Variants in EPB41L4A observed in about 807,000 individuals in gnomAD.
EPB41L4A encodes the protein erythrocyte membrane protein band 4.1 like 4A.
EPB41L4A carries 100 observed loss-of-function variants against 108.6 expected under a neutral mutation model. The ratio of observed to expected loss-of-function variants is 0.92; its 90% CI spans 0.78 to 1.09. The LOEUF is 1.09. Ranked by LOEUF, EPB41L4A falls within the 50% of genes least tolerant of loss-of-function variation. The probability of loss-of-function intolerance (pLI) is 0.00; values close to 1 mark genes in which losing one functional copy is unlikely to be tolerated. For synonymous variants in EPB41L4A, 319 were observed against 289.0 expected (o/e 1.10, Z -1.05); for missense variants, 1,030 against 842.7 (o/e 1.22, Z -2.75).
chr5:112,419,079 A>C lies in EPB41L4A; in HGVS notation c.-40T>G. On this transcript the variant is annotated 5_prime_UTR_variant, in exon 1 of 23. Transcript: ENST00000261486. ...TCTCCAGCCAGGAGAGAAAGCTACCACCGAGGCGCCCAGCCGCCCCCTCCA... is the reference window on the plus strand; with the variant it reads ...TCTCCAGCCAGGAGAGAAAGCTACCCCCGAGGCGCCCAGCCGCCCCCTCCA... The C allele has an allele frequency of 6.6e-7, 1 of 1,506,776 alleles. No individual in the cohort carries two copies. Among genetic ancestry groups the C allele is most frequent in the Non-Finnish European group, 9.2e-7 (1 of 1,084,960 alleles). The allele number at this position is 1,506,776 out of a possible 1,614,324, so 93.3% of individuals were successfully genotyped here.
In EPB41L4A at chr5:112,314,208, A is replaced by T. The variant is rs966318852; in HGVS notation, c.100-6718T>A. Among the ~76,000 whole-genome samples the T allele has an allele frequency of 2.0e-5, 3 of 152,042 alleles. No individual in the cohort carries two copies. In the East Asian group the frequency reaches 5.8e-4, roughly 30 times the overall value. On this transcript the variant is annotated intron_variant, in intron 1 of 22. Coordinates refer to ENST00000261486, the MANE Select transcript of EPB41L4A (RefSeq NM_022140.5). ...ATTCCTGAGCCTTTTGAACAGGTAGACCAAACTATTACGGGCCATTATATA... is the reference window on the plus strand; with the variant it reads ...ATTCCTGAGCCTTTTGAACAGGTAGTCCAAACTATTACGGGCCATTATATA...
rs1425166524 is a variant in EPB41L4A, at chr5:112,198,582, CTA to C, written c.1377-2876_1377-2875del. Among the ~76,000 whole-genome samples the C allele has an allele frequency of 4.6e-5, 7 of 152,180 alleles. 1 individual carries two copies. The highest frequency in any genetic ancestry group is 1.7e-4 in the African/African-American group (7 of 41,522). On this transcript the variant is annotated intron_variant, in intron 15 of 22. Transcript: ENST00000261486. Reference sequence around the variant, plus strand: ...GCTGTTTCTTTAATAGTTTCCTCTCCTATGTTTTCTCTGTTCTTTTTTCTTAG... The same window carrying C: ...GCTGTTTCTTTAATAGTTTCCTCTCCTGTTTTCTCTGTTCTTTTTTCTTAG...
At chr5:112,234,514 TA>T (rs1749189229) in intron 12 of EPB41L4A, 119 bp downstream of exon 12, 6 of 929,694 alleles carry the variant, frequency 6.5e-6, no homozygotes, top group Non-Finnish European at 8.9e-6. Context: ...TAGAAAATTT[TA>T]ATATTGGAAA....
intron 9 of EPB41L4A, among the ~76,000 whole-genome samples, chr5:112,255,219 T>C (rs4130532): frequency 0.14 from 18,867 of 139,140 alleles, 1,325 homozygotes; most frequent in Non-Finnish European, 0.16. Context: ...TTATTTCCCT[T>C]GTGCCAAAAC....
chr5:112,371,786 A>G (rs180933178), intron 1 of EPB41L4A, among the ~76,000 whole-genome samples: 1 of 152,292 alleles, frequency 6.6e-6, no homozygotes, highest in Non-Finnish European at 1.5e-5. Context: ...ACCTCTTTCT[A>G]AATTCTGGAA....
intron 9 of EPB41L4A, among the ~76,000 whole-genome samples, chr5:112,249,944 A>G (rs1311048273): frequency 1.3e-5 from 2 of 152,172 alleles, no homozygotes; most frequent in African/African-American, 4.8e-5. Context: ...CTTTCAGGGA[A>G]GTGTATGGTA....
chr5:112,237,232 G>A (rs1288091427), intron 11 of EPB41L4A, among the ~76,000 whole-genome samples: 1 of 152,088 alleles, frequency 6.6e-6, no homozygotes, highest in Non-Finnish European at 1.5e-5. Context: ...TAAAACAACA[G>A]TAACAACAAC....
At chr5:112,247,597 T>TAA (rs1436064139) in intron 9 of EPB41L4A, among the ~76,000 whole-genome samples, 1 of 152,180 alleles carries the variant, frequency 6.6e-6, no homozygotes, top group Non-Finnish European at 1.5e-5. Flanking sequence ...AGTACTTAAA[T>TAA]AAAAATATCA....
At chr5:112,185,099 T>A (rs1193952633) in intron 17 of EPB41L4A, among the ~76,000 whole-genome samples, 6 of 152,200 alleles carry the variant, frequency 3.9e-5, no homozygotes, top group Non-Finnish European at 8.8e-5. Context: ...AGCCTTTTTT[T>A]TTTTTTTTGG....
intron 1 of EPB41L4A, among the ~76,000 whole-genome samples, chr5:112,351,794 T>C (rs1047927354): frequency 6.6e-6 from 1 of 152,118 alleles, no homozygotes; most frequent in African/African-American, 2.4e-5. Flanking sequence ...AAATAACATG[T>C]CATGATCAAC....
intron 1 of EPB41L4A, among the ~76,000 whole-genome samples, chr5:112,335,085 C>T (rs1163060516): frequency 2.0e-5 from 3 of 152,148 alleles, no homozygotes; most frequent in African/African-American, 7.2e-5. Context: ...GGAACAAAGC[C>T]TCCTGGCTTT....
intron 1 of EPB41L4A, among the ~76,000 whole-genome samples, chr5:112,378,594 A>G (rs1759968514): frequency 6.6e-6 from 1 of 152,178 alleles, no homozygotes; most frequent in African/African-American, 2.4e-5. Flanking sequence ...CATTTAACTC[A>G]TGCAAATTAA....
chr5:112,171,130 G>A lies in EPB41L4A; in HGVS notation c.1623-138C>T, dbSNP rs542373669. 1.1e-5 allele frequency: 8 copies of A among 722,152 alleles called. No homozygotes were observed. In the Admixed American group the frequency reaches 1.8e-4, roughly 17 times the overall value. 44.7% of individuals were successfully genotyped at this position (722,152 alleles called of 1,614,324 possible). On this transcript the variant is annotated intron_variant, in intron 18 of 22. Coordinates refer to ENST00000261486, the MANE Select transcript of EPB41L4A (RefSeq NM_022140.5). Reference sequence around the variant, plus strand: ...GACAAGGAAAGACTGGACAGGGAGAGCCATTGTGATGGTTAGTATAAAGAC... The same window carrying A: ...GACAAGGAAAGACTGGACAGGGAGAACCATTGTGATGGTTAGTATAAAGAC...
At chr5:112,327,033 C>A (rs546204596) in intron 1 of EPB41L4A, among the ~76,000 whole-genome samples, 80 of 152,252 alleles carry the variant, frequency 5.3e-4, no homozygotes, top group African/African-American at 1.9e-3. Flanking sequence ...ACAAACCTTA[C>A]AATTGTGTCC....
At position 112,307,415 on chromosome 5, in the gene EPB41L4A, G is replaced by C. The variant is rs752462713; in HGVS notation, c.175C>G (p.Leu59Val). ...VNLVEIDYFGLRYCDRSHQTY... is the reference protein window; with the variant it reads ...VNLVEIDYFGVRYCDRSHQTY... ...TGATGGCTTCTGTCACAGTAACGTA[G>C]CCCAAAATAATCTATCTCCACAAGG... The change falls in exon 2 of 23, where the codon CTA (leucine) becomes GTA (valine). Residue 59 changes from leucine to valine, a missense_variant. Leu to Val is a conservative substitution (Grantham distance 32). Transcript: ENST00000261486. The C allele has an allele frequency of 3.8e-5, 61 of 1,612,734 alleles. No individual in the cohort carries two copies. The highest frequency in any genetic ancestry group is 4.5e-5 in the Non-Finnish European group (53 of 1,179,046).
intron 1 of EPB41L4A, among the ~76,000 whole-genome samples, chr5:112,335,891 G>A (rs1756885000): frequency 6.6e-6 from 1 of 152,068 alleles, no homozygotes; most frequent in African/African-American, 2.4e-5. Flanking sequence ...CACTCTGAGG[G>A]TCCAGCCACT....
intron 1 of EPB41L4A, among the ~76,000 whole-genome samples, chr5:112,397,707 G>T (rs1007643646): frequency 2.6e-5 from 4 of 152,054 alleles, no homozygotes; most frequent in African/African-American, 9.7e-5. Context: ...GGAAATCTAG[G>T]ATTATAAAAT....
chr5:112,143,855 T>G, exon 14 of EPB41L4A: 1 of 455,870 alleles, frequency 2.2e-6, no homozygotes, highest in South Asian at 1.6e-5. Context: ...TGACCCTGTA[T>G]AAACAGGGAG....
At chr5:112,235,367 T>C (rs544032241) in intron 11 of EPB41L4A, among the ~76,000 whole-genome samples, 17 of 152,280 alleles carry the variant, frequency 1.1e-4, no homozygotes, top group Non-Finnish European at 2.4e-4. Context: ...CTCAAGTAAT[T>C]TTCCCAAGGA....
Sources: allele counts gnomAD v4.1 joint callset (sites outside exome capture counted in the v4.1 genomes callset), GRCh38; gene constraint gnomAD v4.1.1; transcripts MANE v1.5; gene names NCBI Gene and HGNC (gene_info 2026-07-23, HGNC 2026-07-21).